The following COL18A1 variants were observed in gnomAD, a reference collection of about 807,000 sequenced individuals.
COL18A1 encodes the protein collagen alpha-1(XVIII) chain.
Under a neutral mutation model 168.0 loss-of-function variants are expected in COL18A1, and 133 were observed. The observed-to-expected ratio is 0.79, with a 90% CI of 0.69 to 0.91. The LOEUF is 0.91. Ranked by LOEUF, COL18A1 falls within the 40% of genes least tolerant of loss-of-function variation. The pLI is 0.00. For missense variants in COL18A1, 2,126 were observed against 1,925.4 expected (o/e 1.10, Z -1.95); for synonymous variants, 949 against 809.0 (o/e 1.17, Z -2.94).
At position 45,495,452 on chromosome 21, in the gene COL18A1, C is replaced by G. The variant is rs374929550; in HGVS notation, c.2508+20C>G. On this transcript the variant is annotated intron_variant, in intron 29 of 41. Coordinates refer to ENST00000651438, the MANE Select transcript of COL18A1 (RefSeq NM_001379500.1). ...ATGAGGGTGAGTGTCTCTCAAGGGGCGGACTGGGTGGCTGGGAGACCAGGA... is the reference window on the plus strand; with the variant it reads ...ATGAGGGTGAGTGTCTCTCAAGGGGGGGACTGGGTGGCTGGGAGACCAGGA... 4 of 1,589,800 alleles carry G rather than the reference C, an allele frequency of 2.5e-6. No homozygotes were observed. Among genetic ancestry groups the G allele is most frequent in the African/African-American group, 2.7e-5 (2 of 74,426 alleles).
intron 32 of COL18A1, among the ~76,000 whole-genome samples, chr21:45,500,487 TTGC>T (rs200864642): frequency 1.1e-3 from 69 of 62,316 alleles, no homozygotes; most frequent in East Asian, 2.8e-3. Context: ...GTTTGGTGTG[TTGC>T]GTGTGTAGTG....
At chr21:45,427,531 C>T (rs1033776961) in intron 2 of COL18A1, among the ~76,000 whole-genome samples, 4 of 152,198 alleles carry the variant, frequency 2.6e-5, no homozygotes, top group South Asian at 4.1e-4. Context: ...CCTCTTGCTC[C>T]GCGGCCACCC....
chr21:45,417,386 C>G (rs939035445), intron 2 of COL18A1, among the ~76,000 whole-genome samples: 1 of 152,350 alleles, frequency 6.6e-6, no homozygotes, highest in Non-Finnish European at 1.5e-5. Context: ...GGCCCCCGAA[C>G]GTGCCTGCCT....
chr21:45,438,821 C>A (rs534435781), intron 2 of COL18A1, among the ~76,000 whole-genome samples: 2 of 152,200 alleles, frequency 1.3e-5, no homozygotes, highest in Non-Finnish European at 2.9e-5. Flanking sequence ...TCTGTGCAGC[C>A]GGAAGGAAGA....
At chr21:45,483,086 C>T (rs1217514272) in intron 15 of COL18A1, among the ~76,000 whole-genome samples, 4 of 152,232 alleles carry the variant, frequency 2.6e-5, no homozygotes, top group Admixed American at 1.3e-4. Flanking sequence ...TGAGAGTAGA[C>T]GCGCCCTGGA....
rs145520572 is a variant in COL18A1, at chr21:45,466,193, G to A, written c.107-2049G>A. Among the ~76,000 whole-genome samples the A allele has an allele frequency of 5.2e-3, 794 of 152,258 alleles. 4 individuals are homozygous for A. The highest frequency in any genetic ancestry group is 9.4e-3 in the Non-Finnish European group (641 of 68,002). Reference sequence around the variant, plus strand: ...AGATAAGGGACCCAAGGGGAGGGGCGGGGACGTTCCACACTGGTGTGAGAA... The same window carrying A: ...AGATAAGGGACCCAAGGGGAGGGGCAGGGACGTTCCACACTGGTGTGAGAA... On this transcript the variant is annotated intron_variant, in intron 2 of 41. Transcript: ENST00000651438.
At chr21:45,472,129 A>G (rs992377544) in intron 3 of COL18A1, among the ~76,000 whole-genome samples, 3 of 151,834 alleles carry the variant, frequency 2.0e-5, no homozygotes, top group African/African-American at 7.3e-5. Context: ...CTGTGTGGGG[A>G]TCGGGTGTCA....
intron 18 of COL18A1, among the ~76,000 whole-genome samples, chr21:45,489,030 CTGCGTGCGGGGCCA>C (rs1470500012): frequency 6.6e-6 from 1 of 152,214 alleles, no homozygotes; most frequent in African/African-American, 2.4e-5. Flanking sequence ...GCGTCCTCTG[CTGCGTGCGGGGCCA>C]AGGGCGCACG....
rs539638957 is a variant in COL18A1, at chr21:45,471,727, C to G, written c.652-2168C>G. Among the ~76,000 whole-genome samples the G allele has an allele frequency of 1.3e-5, 2 of 151,218 alleles. No homozygotes were observed. Among genetic ancestry groups the G allele is most frequent in the African/African-American group, 4.9e-5 (2 of 41,080 alleles). On this transcript the variant is annotated intron_variant, in intron 3 of 41. Coordinates refer to ENST00000651438, the MANE Select transcript of COL18A1 (RefSeq NM_001379500.1). The surrounding 1 kb of genome is among the most constrained non-coding windows in gnomAD (Gnocchi z 4.4). ...CCTTGAACGTCATTTCCAGCTGTGT[C>G]CTGATTTCCAGCTGTGTCCTGATTT...
intron 2 of COL18A1, among the ~76,000 whole-genome samples, chr21:45,440,993 C>T (rs764998650): frequency 9.9e-5 from 15 of 152,224 alleles, no homozygotes; most frequent in Non-Finnish European, 2.1e-4. Flanking sequence ...GCAGTTCTCT[C>T]GCTGTGCCGA....
intron 27 of COL18A1, 53 bp from the exon 28 acceptor site, chr21:45,494,809 G>A (rs928823157): frequency 1.3e-5 from 20 of 1,535,954 alleles, no homozygotes; most frequent in East Asian, 4.7e-5. Context: ...CCCCCAACTC[G>A]TGGTCAAGGG....
chr21:45,475,664 C>T (rs2035621275), intron 5 of COL18A1, 129 bp downstream of exon 5: 5 of 836,098 alleles, frequency 6.0e-6, no homozygotes, highest in Admixed American at 2.1e-5. Context: ...AGACATATTC[C>T]TGGCTGGGGA....
intron 3 of COL18A1, among the ~76,000 whole-genome samples, chr21:45,470,991 T>G (rs1199643679): frequency 9.3e-6 from 1 of 107,564 alleles, no homozygotes; most frequent in Non-Finnish European, 1.9e-5. Context: ...CGCTACAGGC[T>G]TCGTGCTGCT....
chr21:45,472,918 C>T (rs1410564907), intron 3 of COL18A1, among the ~76,000 whole-genome samples: 1 of 152,250 alleles, frequency 6.6e-6, no homozygotes, highest in Non-Finnish European at 1.5e-5. Flanking sequence ...ACTCACACCC[C>T]GTCCTGCAGG....
At chr21:45,481,819 G>A in intron 13 of COL18A1, 144 bp from the exon 14 acceptor site, 1 of 716,110 alleles carries the variant, frequency 1.4e-6, no homozygotes, top group East Asian at 2.7e-5. Flanking sequence ...TCTCCCGTGA[G>A]CCCTGGGACT....
chr21:45,495,679 T>C (rs1380763486), intron 29 of COL18A1: 3 of 504,608 alleles, frequency 5.9e-6, no homozygotes, highest in African/African-American at 2.0e-5. Context: ...TACACATGCA[T>C]CTATGCACAT....
At chr21:45,464,928 G>A (rs553220295) in intron 2 of COL18A1, among the ~76,000 whole-genome samples, 3 of 152,310 alleles carry the variant, frequency 2.0e-5, no homozygotes, top group East Asian at 1.9e-4. Context: ...TGGGGCCATG[G>A]CTCTGCCCAC....
intron 5 of COL18A1, 56 bp downstream of exon 5, chr21:45,475,591 C>G: frequency 6.8e-7 from 1 of 1,468,992 alleles, no homozygotes; most frequent in Middle Eastern, 2.3e-4. Context: ...GAGCCCCTCC[C>G]AGCAGTGGGG....
chr21:45,480,502 C>A lies in COL18A1; in HGVS notation c.1434C>A (p.Gly478=), dbSNP rs985715199. The change falls in exon 12 of 42, where the codon GGC becomes GGA. Residue 478 remains glycine (G), a synonymous_variant. Transcript: ENST00000651438. ...ACATGGAGGGATCTGGCTTCGGGGG[C>A]GATCTGGAGGCCCTGCGGGTGAGTG... The part of the protein sequence containing the change: ...FIDMEGSGFG[G]DLEALRGPRG... 1.2e-6 allele frequency: 2 copies of A among 1,613,970 alleles called. No individual in the cohort carries two copies. Among genetic ancestry groups the A allele is most frequent in the Admixed American group, 1.7e-5 (1 of 60,004 alleles).
Sources: allele counts gnomAD v4.1 joint callset (sites outside exome capture counted in the v4.1 genomes callset), GRCh38; gene constraint gnomAD v4.1.1; non-coding constraint Gnocchi (gnomAD v3.1); transcripts MANE v1.5; gene names NCBI Gene and HGNC (gene_info 2026-07-23, HGNC 2026-07-21).